Variants in TTC4 observed in about 807,000 individuals in gnomAD.
TTC4 encodes the protein hsp70/Hsp90 co-chaperone CNS1 homolog.
In TTC4, 36 loss-of-function variants were observed where a neutral mutation model predicts 51.9. That is an observed-to-expected ratio of 0.69 (90% CI 0.53 to 0.92). TTC4 has a LOEUF of 0.92. Among genes scored for constraint, TTC4 ranks in the 40% least tolerant of loss-of-function variants. The probability of loss-of-function intolerance (pLI) is 0.00; values close to 1 mark genes in which losing one functional copy is unlikely to be tolerated. For synonymous variants in TTC4, 144 were observed against 164.2 expected, an observed-to-expected ratio of 0.88 and a Z score of 0.94; for missense variants, 399 against 454.6, an observed-to-expected ratio of 0.88 and a Z score of 1.11.
chr1:54,741,581 C>CAG lies in TTC4; in HGVS notation c.*68_*69insAG. The CAG allele has an allele frequency of 7.9e-7, 1 of 1,271,058 alleles. No individual in the cohort carries two copies. The highest frequency in any genetic ancestry group is 1.1e-6 in the Non-Finnish European group (1 of 870,862). 78.7% of individuals were successfully genotyped at this position (1,271,058 alleles called of 1,614,324 possible). A position where few individuals can be genotyped will look rare whatever the true frequency, so the allele number is the denominator to read the frequency against. On this transcript the variant is annotated 3_prime_UTR_variant, in exon 10 of 10. Coordinates refer to ENST00000371281, the MANE Select transcript of TTC4 (RefSeq NM_004623.5). The stretch of plus-strand genomic sequence containing the variant: ...TGGGAACCTAGCACACCTGAATCAG[C>CAG]TGGACATACTGCTGGAGTCCAGTGC...
intron 3 of TTC4, among the ~76,000 whole-genome samples, chr1:54,718,466 C>A (rs963783580): frequency 6.6e-6 from 1 of 152,024 alleles, no homozygotes; most frequent in Admixed American, 6.5e-5. Flanking sequence ...CCGGGCTGGT[C>A]TCGAAATTGG....
At chr1:54,729,617 A>G (rs1407531383) in intron 6 of TTC4, among the ~76,000 whole-genome samples, 1 of 152,124 alleles carries the variant, frequency 6.6e-6, no homozygotes, top group African/African-American at 2.4e-5. Context: ...TTTGAAATAT[A>G]TATAGTCTGA....
intron 8 of TTC4, among the ~76,000 whole-genome samples, chr1:54,736,012 C>A (rs1645927906): frequency 6.6e-6 from 1 of 152,028 alleles, no homozygotes; most frequent in African/African-American, 2.4e-5. Context: ...TCCCAAGAAG[C>A]CCTGGTTCTT....
At position 54,722,761 on chromosome 1, in the gene TTC4, A is replaced by C. The variant is rs370615024; in HGVS notation, c.556A>C (p.Lys186Gln). ...EGLQIDAKEK[K>Q]LLEMRAKADK... is the part of the protein sequence containing the mutation. ...ACTGCAAATAGATGCCAAAGAGAAG[A>C]AGCTTCTGGAAATGAGGGCTAAAGC... The change falls in exon 5 of 10, where the codon AAG (lysine) becomes CAG (glutamine). Residue 186 changes from lysine to glutamine, a missense_variant. By Grantham distance (53) the Lys-to-Gln change is moderately conservative. Coordinates refer to ENST00000371281, the MANE Select transcript of TTC4 (RefSeq NM_004623.5). 74 of 1,613,972 alleles carry C rather than the reference A, an allele frequency of 4.6e-5. No homozygotes were observed. Among genetic ancestry groups the C allele is most frequent in the Non-Finnish European group, 6.2e-5 (73 of 1,179,932 alleles).
chr1:54,730,718 G>A (rs1368747046), intron 6 of TTC4, among the ~76,000 whole-genome samples: 2 of 150,792 alleles, frequency 1.3e-5, no homozygotes, highest in Non-Finnish European at 3.0e-5. Flanking sequence ...ATGTCTAGGA[G>A]ACAGTCAAGA....
intron 5 of TTC4, 96 bp downstream of exon 5, chr1:54,722,895 A>G (rs912395046): frequency 2.1e-5 from 32 of 1,523,004 alleles, no homozygotes; most frequent in Non-Finnish European, 2.8e-5. Flanking sequence ...CTTTTTAAAA[A>G]CAAAACCCAA....
chr1:54,724,831 A>C (rs1468957818), intron 5 of TTC4, among the ~76,000 whole-genome samples: 2 of 152,224 alleles, frequency 1.3e-5, no homozygotes, highest in Non-Finnish European at 2.9e-5. Context: ...CCTCCATAAA[A>C]TCAATGAGGA....
Position 54,732,994 on chromosome 1 carries a change from C to T in TTC4, c.897-635C>T, listed in dbSNP as rs142656217. Among the ~76,000 whole-genome samples the T allele has an allele frequency of 5.3e-3, 801 of 149,832 alleles. 10 individuals are homozygous for T. The highest frequency in any genetic ancestry group is 0.019 in the African/African-American group (770 of 40,720). On this transcript the variant is annotated intron_variant, in intron 7 of 9. Transcript: ENST00000371281. The stretch of plus-strand genomic sequence containing the variant: ...CCCAGCTGTCTGGGAGCCTGGGGCA[C>T]GAGAATCACTTGAACCCAGAAGGTG...
At chr1:54,733,419 A>C (rs1210824480) in intron 7 of TTC4, among the ~76,000 whole-genome samples, 1 of 110,368 alleles carries the variant, frequency 9.1e-6, no homozygotes, top group Non-Finnish European at 1.7e-5. Context: ...ACCCTGTCTC[A>C]AAAAAAAAAA....
chr1:54,718,212 C>G (rs1041115442), intron 3 of TTC4, among the ~76,000 whole-genome samples: 10 of 151,930 alleles, frequency 6.6e-5, no homozygotes, highest in African/African-American at 1.9e-4. Context: ...GAGACCCTGT[C>G]TCTCCAAAAA....
At chr1:54,722,410 C>G (rs1348058838) in intron 4 of TTC4, among the ~76,000 whole-genome samples, 2 of 152,172 alleles carry the variant, frequency 1.3e-5, no homozygotes, top group African/African-American at 4.8e-5. Flanking sequence ...TGGTTTGCCA[C>G]TAAGTTATAG....
intron 6 of TTC4, among the ~76,000 whole-genome samples, chr1:54,731,117 T>G (rs1376265099): frequency 1.3e-5 from 2 of 152,196 alleles, no homozygotes; most frequent in Non-Finnish European, 2.9e-5. Flanking sequence ...AGATGCCCAA[T>G]GAAGGTGAGT....
chr1:54,720,139 C>T (rs1645725939), intron 3 of TTC4, among the ~76,000 whole-genome samples: 1 of 152,066 alleles, frequency 6.6e-6, no homozygotes. Flanking sequence ...TGGTCTTAAG[C>T]AATCCTCTCA....
At chr1:54,736,204 GA>G (rs1309602374) in intron 8 of TTC4, among the ~76,000 whole-genome samples, 43 of 139,202 alleles carry the variant, frequency 3.1e-4, no homozygotes, top group African/African-American at 1.2e-3. Context: ...GAGAGAGAGA[GA>G]GAGAGAGAGA....
At position 54,737,596 on chromosome 1, in the gene TTC4, T is replaced by C. The variant is rs1399101202; in HGVS notation, c.993T>C (p.Asp331=). The C allele has an allele frequency of 6.2e-7, 1 of 1,613,744 alleles. No homozygotes were observed. The highest frequency in any genetic ancestry group is 1.7e-5 in the Admixed American group (1 of 60,020). The change falls in exon 9 of 10, where the codon GAT becomes GAC. Residue 331 remains aspartate (D), a synonymous_variant. Coordinates refer to ENST00000371281, the MANE Select transcript of TTC4 (RefSeq NM_004623.5). ...CPDNLEVYFE[D]EDRAELYRVP... is the part of the protein sequence containing the mutation. ...TAATCTTGCAGGTCTACTTTGAGGA[T>C]GAGGACAGGGCAGAACTATACCGGG...
intron 7 of TTC4, 75 bp downstream of exon 7, chr1:54,731,775 A>AT: frequency 6.9e-7 from 1 of 1,440,828 alleles, no homozygotes; most frequent in Non-Finnish European, 9.5e-7. Context: ...GGACGAGTGG[A>AT]TTTTTGGTTG....
At chr1:54,723,501 C>A (rs1645767432) in intron 5 of TTC4, among the ~76,000 whole-genome samples, 1 of 152,100 alleles carries the variant, frequency 6.6e-6, no homozygotes, top group Non-Finnish European at 1.5e-5. Flanking sequence ...AATTAAGAGA[C>A]CTTAAGACTA....
intron 8 of TTC4, among the ~76,000 whole-genome samples, chr1:54,735,893 C>T (rs2101357856): frequency 6.6e-6 from 1 of 152,198 alleles, no homozygotes; most frequent in South Asian, 2.1e-4. Flanking sequence ...AAATTTGTTT[C>T]TGTGTCCTTT....
At chr1:54,718,273 T>A (rs957290513) in intron 3 of TTC4, among the ~76,000 whole-genome samples, 1 of 152,134 alleles carries the variant, frequency 6.6e-6, no homozygotes, top group African/African-American at 2.4e-5. Context: ...CTTGGGAGGC[T>A]GAGGCACGAG....
Sources: gnomAD v4.1 joint callset for allele counts (sites outside exome capture counted in the v4.1 genomes callset) on GRCh38, gnomAD v4.1.1 for gene constraint, MANE v1.5 for transcripts, NCBI Gene and HGNC (gene_info 2026-07-23, HGNC 2026-07-21) for gene names.